The following HCN1 variants were observed in gnomAD, a reference collection of about 807,000 sequenced individuals.
The protein encoded by HCN1 is potassium/sodium hyperpolarization-activated cyclic nucleotide-gated channel 1.
In HCN1, 13 loss-of-function variants were observed where a neutral mutation model predicts 78.9. The ratio of observed to expected loss-of-function variants is 0.16; its 90% confidence interval spans 0.11 to 0.26. The LOEUF is 0.26. Ranked by LOEUF, HCN1 falls within the 10% of genes least tolerant of loss-of-function variation. The probability of loss-of-function intolerance (pLI) is 1.00; values close to 1 mark genes in which losing one functional copy is unlikely to be tolerated. For synonymous variants in HCN1, 552 were observed against 455.5 expected (o/e 1.21, Z -2.70); for missense variants, 810 against 1,154.3 (o/e 0.70, Z 4.32).
At chr5:45,434,385 G>A (rs988495248) in intron 3 of HCN1, among the ~76,000 whole-genome samples, 8 of 152,110 alleles carry the variant, frequency 5.3e-5, no homozygotes, top group Non-Finnish European at 1.0e-4. Flanking sequence ...ATGGACATCC[G>A]CAGGCAGCCT....
At chr5:45,294,245 G>A (rs558700565) in intron 6 of HCN1, among the ~76,000 whole-genome samples, 1 of 152,044 alleles carries the variant, frequency 6.6e-6, no homozygotes, top group South Asian at 2.1e-4. Flanking sequence ...TTTCGAATCG[G>A]TGTCTCTAAA....
At chr5:45,345,534 C>T (rs1042181745) in intron 5 of HCN1, among the ~76,000 whole-genome samples, 5 of 152,110 alleles carry the variant, frequency 3.3e-5, no homozygotes, top group Non-Finnish European at 5.9e-5. Context: ...CCACTAGATA[C>T]CCTAAATTAT....
At chr5:45,385,412 T>G (rs1413745227) in intron 4 of HCN1, among the ~76,000 whole-genome samples, 2 of 152,102 alleles carry the variant, frequency 1.3e-5, no homozygotes, top group African/African-American at 2.4e-5. Context: ...AAATTTGTGT[T>G]TTCATATAAC....
At chr5:45,362,363 C>A (rs1022313398) in intron 4 of HCN1, among the ~76,000 whole-genome samples, 2 of 152,026 alleles carry the variant, frequency 1.3e-5, no homozygotes, top group African/African-American at 4.8e-5. Context: ...CTTTCACTCA[C>A]AGAAGATGAC....
chr5:45,350,417 C>G (rs557938906), intron 5 of HCN1, among the ~76,000 whole-genome samples: 22 of 152,158 alleles, frequency 1.4e-4, no homozygotes, highest in African/African-American at 5.3e-4. Flanking sequence ...CAGCCAATAT[C>G]ATACTGAGTG....
chr5:45,339,035 T>A (rs1746520760), intron 5 of HCN1, among the ~76,000 whole-genome samples: 1 of 152,186 alleles, frequency 6.6e-6, no homozygotes. Context: ...AACCCTGTTT[T>A]CACCTTTACA....
At chr5:45,271,110 C>T (rs368868687) in intron 6 of HCN1, among the ~76,000 whole-genome samples, 18 of 152,192 alleles carry the variant, frequency 1.2e-4, no homozygotes, top group East Asian at 1.2e-3. Flanking sequence ...GAAATGTGTA[C>T]GTGTGTTATG....
chr5:45,658,501 G>A (rs1435448373), intron 1 of HCN1, among the ~76,000 whole-genome samples: 7 of 152,198 alleles, frequency 4.6e-5, no homozygotes, highest in African/African-American at 1.7e-4. Flanking sequence ...CAGCGTGAGC[G>A]ATGAAGAAGA....
At chr5:45,632,902 GGTAA>G (rs753606928) in intron 2 of HCN1, among the ~76,000 whole-genome samples, 1 of 152,022 alleles carries the variant, frequency 6.6e-6, no homozygotes, top group African/African-American at 2.4e-5. Flanking sequence ...TTTTGAATAA[GGTAA>G]GTGTTTTCAG....
chr5:45,337,508 CA>C (rs1746487549), intron 5 of HCN1, among the ~76,000 whole-genome samples: 1 of 152,130 alleles, frequency 6.6e-6, no homozygotes, highest in African/African-American at 2.4e-5. Flanking sequence ...AACACTCAGT[CA>C]CTCTGAGATG....
intron 2 of HCN1, among the ~76,000 whole-genome samples, chr5:45,514,345 G>T (rs574833844): frequency 1.3e-5 from 2 of 151,990 alleles, no homozygotes; most frequent in Admixed American, 1.3e-4. Flanking sequence ...TGTGAATCAT[G>T]AAAATAACCT....
At chr5:45,370,420 T>C (rs1490797337) in intron 4 of HCN1, among the ~76,000 whole-genome samples, 2 of 152,054 alleles carry the variant, frequency 1.3e-5, no homozygotes, top group Non-Finnish European at 2.9e-5. Flanking sequence ...ATTGGGCATA[T>C]ATTCAACATA....
intron 3 of HCN1, among the ~76,000 whole-genome samples, chr5:45,431,397 G>A (rs1328894027): frequency 6.6e-6 from 1 of 152,076 alleles, no homozygotes; most frequent in African/African-American, 2.4e-5. Flanking sequence ...TGTTTACTCT[G>A]TTGATAGGTT....
At chr5:45,387,788 T>C (rs977821491) in intron 4 of HCN1, among the ~76,000 whole-genome samples, 5 of 152,182 alleles carry the variant, frequency 3.3e-5, no homozygotes, top group African/African-American at 7.2e-5. Context: ...AAACTGCAGA[T>C]AGCACCAAAC....
At chr5:45,477,931 A>G (rs190107958) in intron 2 of HCN1, among the ~76,000 whole-genome samples, 1 of 152,244 alleles carries the variant, frequency 6.6e-6, no homozygotes, top group East Asian at 1.9e-4. Context: ...GAGAACGCAG[A>G]AAAAAAGACA....
At chr5:45,524,733 C>T (rs1221453592) in intron 2 of HCN1, among the ~76,000 whole-genome samples, 1 of 152,032 alleles carries the variant, frequency 6.6e-6, no homozygotes, top group African/African-American at 2.4e-5. Flanking sequence ...GCTGAAGTTG[C>T]TTATCAGCTT....
intron 5 of HCN1, among the ~76,000 whole-genome samples, chr5:45,317,550 C>T (rs1297405814): frequency 6.6e-6 from 1 of 152,116 alleles, no homozygotes; most frequent in African/African-American, 2.4e-5. Context: ...CAACAAAAGC[C>T]ACAATTGACA....
intron 3 of HCN1, among the ~76,000 whole-genome samples, chr5:45,458,480 AT>A (rs1741068588): frequency 6.6e-6 from 1 of 151,998 alleles, no homozygotes; most frequent in Non-Finnish European, 1.5e-5. Flanking sequence ...TCTCAACTTG[AT>A]TTTGGTTTTC....
chr5:45,330,393 CTT>C (rs1746321092), intron 5 of HCN1, among the ~76,000 whole-genome samples: 1 of 150,952 alleles, frequency 6.6e-6, no homozygotes, highest in South Asian at 2.1e-4. Context: ...ACAAATAAAA[CTT>C]AACTAAATAA....
Sources: allele counts gnomAD v4.1 joint callset (sites outside exome capture counted in the v4.1 genomes callset), GRCh38; gene constraint gnomAD v4.1.1; transcripts MANE v1.5; gene names NCBI Gene and HGNC (gene_info 2026-07-23, HGNC 2026-07-21).